The following PTGER3 variants were observed in gnomAD, a reference collection of about 807,000 sequenced individuals.
PTGER3 encodes the protein prostaglandin E receptor 3.
A neutral mutation model predicts 34.7 loss-of-function variants in PTGER3; 22 were observed. The ratio of observed to expected loss-of-function variants is 0.63; its 90% confidence interval spans 0.45 to 0.91. PTGER3 has a LOEUF of 0.91. PTGER3 is among the 40% of genes least tolerant of loss of function. The pLI is 0.00. For synonymous variants in PTGER3, 241 were observed against 230.1 expected (o/e 1.05, Z -0.43); for missense variants, 468 against 519.4 (o/e 0.90, Z 0.96).
At chr1:70,891,285 T>A (rs537138494) in intron 4 of PTGER3, among the ~76,000 whole-genome samples, 1 of 152,328 alleles carries the variant, frequency 6.6e-6, no homozygotes, top group East Asian at 1.9e-4. Flanking sequence ...GACACAATAA[T>A]TTCCAAGTTA....
chr1:70,893,441 T>A (rs139622449), intron 4 of PTGER3, among the ~76,000 whole-genome samples: 18 of 152,298 alleles, frequency 1.2e-4, no homozygotes, highest in African/African-American at 4.3e-4. Flanking sequence ...GTCCTGGGAA[T>A]GGTAGTAGGG....
chr1:70,986,533 C>T (rs900382658), intron 2 of PTGER3, among the ~76,000 whole-genome samples: 2 of 152,086 alleles, frequency 1.3e-5, no homozygotes, highest in Admixed American at 1.3e-4. Flanking sequence ...GGAAGCAGGA[C>T]CACAAGGCTA....
rs984570421 is a variant in PTGER3, at chr1:71,006,743, A to G, written c.1077+5562T>C. 3 of 985,106 alleles carry G rather than the reference A, an allele frequency of 3.0e-6. No homozygotes were observed. In the African/African-American group the frequency reaches 5.2e-5, roughly 17 times the overall value. The allele number at this position is 985,106 out of a possible 1,614,324, so 61.0% of individuals were successfully genotyped here. ...CCAGATAGCATGGGGCTGTTGCATTACATTGTGCTATTATTTGACAAAGCA... is the reference window on the plus strand; with the variant it reads ...CCAGATAGCATGGGGCTGTTGCATTGCATTGTGCTATTATTTGACAAAGCA... On this transcript the variant is annotated intron_variant, in intron 2 of 3. Coordinates refer to ENST00000306666, the MANE Select transcript of PTGER3 (RefSeq NM_198719.2).
At chr1:71,035,825 G>C (rs148077227) in intron 1 of PTGER3, among the ~76,000 whole-genome samples, 34 of 152,286 alleles carry the variant, frequency 2.2e-4, no homozygotes, top group Non-Finnish European at 3.4e-4. Context: ...AATGCTTCCA[G>C]TGTATTCCTG....
rs543738729 is a variant in PTGER3, at chr1:70,984,169, C to A, written c.1078-9781G>T. ...TTGGAGGCCAATATGTGTGGATTAC[C>A]TGAGGTCAGGGGTTTGAGACCAGCC... is the stretch of plus-strand genomic sequence containing the variant. On this transcript the variant is annotated intron_variant, in intron 2 of 3. Coordinates refer to ENST00000306666, the MANE Select transcript of PTGER3 (RefSeq NM_198719.2). Among the ~76,000 whole-genome samples, 12 of 152,056 alleles carry A rather than the reference C, an allele frequency of 7.9e-5. No homozygotes were observed. The South Asian group carries it at 2.5e-3, about 32-fold the overall frequency.
At chr1:71,041,709 T>G (rs1003331099) in intron 1 of PTGER3, among the ~76,000 whole-genome samples, 2 of 152,076 alleles carry the variant, frequency 1.3e-5, no homozygotes, top group East Asian at 3.9e-4. Flanking sequence ...GTAAAGCAAT[T>G]GGAAAAAATG....
chr1:70,944,872 C>T (rs1186181168), intron 4 of PTGER3, among the ~76,000 whole-genome samples: 1 of 152,022 alleles, frequency 6.6e-6, no homozygotes, highest in Non-Finnish European at 1.5e-5. Flanking sequence ...TCCTTGTCAC[C>T]AGAGCCAATC....
chr1:70,854,251 T>C (rs1225838880), intron 4 of PTGER3, among the ~76,000 whole-genome samples: 1 of 152,016 alleles, frequency 6.6e-6, no homozygotes, highest in Non-Finnish European at 1.5e-5. Context: ...TCAGAATATA[T>C]AAAGAATGCC....
chr1:70,879,634 T>C (rs1417688511), intron 4 of PTGER3, among the ~76,000 whole-genome samples: 1 of 152,166 alleles, frequency 6.6e-6, no homozygotes, highest in African/African-American at 2.4e-5. Flanking sequence ...CTGTTTTCCA[T>C]TTGCTTGGTA....
intron 2 of PTGER3, chr1:71,011,770 A>G (rs1657468529): frequency 1.0e-6 from 1 of 988,142 alleles, no homozygotes; most frequent in Non-Finnish European, 1.2e-6. Flanking sequence ...TGTAAGGAGG[A>G]AAAAAGTGAC....
intron 4 of PTGER3, among the ~76,000 whole-genome samples, chr1:70,929,702 A>G (rs1407715566): frequency 2.0e-5 from 3 of 152,232 alleles, no homozygotes; most frequent in East Asian, 1.9e-4. Flanking sequence ...CGAACGATGG[A>G]GAAATAAACA....
intron 2 of PTGER3, among the ~76,000 whole-genome samples, chr1:70,993,226 C>A (rs1258384288): frequency 6.6e-6 from 1 of 152,086 alleles, no homozygotes; most frequent in African/African-American, 2.4e-5. Flanking sequence ...GTTACATATC[C>A]CCCACTAAGA....
At chr1:70,889,512 G>C (rs1343226549) in intron 4 of PTGER3, among the ~76,000 whole-genome samples, 1 of 150,790 alleles carries the variant, frequency 6.6e-6, no homozygotes, top group Non-Finnish European at 1.5e-5. Flanking sequence ...TTTCTCTGTT[G>C]GACAAATTTA....
intron 4 of PTGER3, chr1:70,865,657 C>G (rs760093370): frequency 4.5e-5 from 62 of 1,363,032 alleles, no homozygotes; most frequent in Non-Finnish European, 6.0e-5. Context: ...GGTAAAAAGT[C>G]CTGTACTTGG....
Position 71,047,633 on chromosome 1 carries a change from A to G in PTGER3, c.-56T>C. ...CCAGAGAGCCGCAGCGGGAGGGGGC[A>G]GACGCGGCGCGGGCGGCGGCGGAGG... On this transcript the variant is annotated 5_prime_UTR_variant, in exon 1 of 4. Transcript: ENST00000306666. The G allele has an allele frequency of 6.9e-7, 1 of 1,456,264 alleles. No homozygotes were observed. Among genetic ancestry groups the G allele is most frequent in the Non-Finnish European group, 9.1e-7 (1 of 1,101,176 alleles). 90.2% of individuals were successfully genotyped at this position (1,456,264 alleles called of 1,614,324 possible). A position where few individuals can be genotyped will look rare whatever the true frequency, so the allele number is the denominator to read the frequency against.
chr1:70,937,517 C>A (rs1649335893), intron 4 of PTGER3, among the ~76,000 whole-genome samples: 1 of 151,970 alleles, frequency 6.6e-6, no homozygotes, highest in South Asian at 2.1e-4. Flanking sequence ...CAAAGTGGAC[C>A]AAGATGAATC....
intron 4 of PTGER3, among the ~76,000 whole-genome samples, chr1:70,928,145 A>ATATTTATAGACATATATATT (rs1553164237): frequency 4.8e-5 from 7 of 147,102 alleles, no homozygotes; most frequent in Admixed American, 6.8e-5. Context: ...ATATATATAT[A>ATATTTATAGACATATATATT]TTTATAGACA....
chr1:71,018,475 CT>C (rs576598947), intron 1 of PTGER3, among the ~76,000 whole-genome samples: 12 of 152,166 alleles, frequency 7.9e-5, no homozygotes, highest in African/African-American at 2.2e-4. Flanking sequence ...TTATTAATCC[CT>C]TTCCCCTCTT....
At position 70,971,721 on chromosome 1, in the gene PTGER3, G is replaced by C. The variant is rs200200880; in HGVS notation, c.*9C>G. The C allele has an allele frequency of 1.9e-6, 3 of 1,562,964 alleles. No homozygotes were observed. The highest frequency in any genetic ancestry group is 1.7e-6 in the Non-Finnish European group (2 of 1,153,278). On this transcript the variant is annotated 3_prime_UTR_variant, in exon 4 of 4. Transcript: ENST00000306666. The stretch of plus-strand genomic sequence containing the variant: ...GAATTGCAATAAAATGTCCAACTCC[G>C]TTCTTTCATTATCTGTTAGAATAGA...
Sources: allele counts gnomAD v4.1 joint callset (sites outside exome capture counted in the v4.1 genomes callset), GRCh38; gene constraint gnomAD v4.1.1; transcripts MANE v1.5; gene names NCBI Gene and HGNC (gene_info 2026-07-23, HGNC 2026-07-21).